Variants in DACH2 observed in about 807,000 individuals in gnomAD.
DACH2 encodes the protein dachshund homolog 2.
Under a neutral mutation model 35.8 loss-of-function variants are expected in DACH2, and 17 were observed. That is an observed-to-expected ratio of 0.48 (90% CI 0.33 to 0.71). The LOEUF (loss-of-function observed/expected upper bound fraction) is 0.71, where lower values mean the gene tolerates loss of function less well. Among genes scored for constraint, DACH2 ranks in the 30% least tolerant of loss-of-function variants. The pLI, the probability that DACH2 is intolerant of heterozygous loss-of-function variation, is 0.02. For synonymous variants in DACH2, 195 were observed against 177.3 expected (o/e 1.10, Z -0.79); for missense variants, 469 against 472.7 (o/e 0.99, Z 0.07).
intron 7 of DACH2, among the ~76,000 whole-genome samples, chrX:86,741,824 G>C (rs1032084188): frequency 1.3e-4 from 14 of 111,294 alleles, no homozygotes; most frequent in Non-Finnish European, 2.6e-4. Context: ...ACAGCACATA[G>C]GGAAATATAT....
intron 1 of DACH2, among the ~76,000 whole-genome samples, chrX:86,330,870 G>T (rs12393103): frequency 0.2 from 21,768 of 110,783 alleles, 2,534 homozygotes; most frequent in African/African-American, 0.44. Context: ...GACTGTTCTG[G>T]CCATGACCAT....
chrX:86,224,469 C>T (rs776155191), intron 1 of DACH2, among the ~76,000 whole-genome samples: 2 of 111,032 alleles, frequency 1.8e-5, no homozygotes, highest in Admixed American at 9.6e-5. Flanking sequence ...GTAACAATAA[C>T]GGTAAATGAC....
intron 2 of DACH2, among the ~76,000 whole-genome samples, chrX:86,386,024 T>C (rs1426473341): frequency 8.9e-6 from 1 of 112,140 alleles, no homozygotes; most frequent in Admixed American, 9.5e-5. Flanking sequence ...TGAACCAGTA[T>C]TGACACACTG....
At chrX:86,234,586 C>T (rs779885707) in intron 1 of DACH2, among the ~76,000 whole-genome samples, 25 of 105,918 alleles carry the variant, frequency 2.4e-4, no homozygotes, top group Middle Eastern at 5.0e-3. Context: ...AATTAATGAG[C>T]TAATATTTCT....
chrX:86,231,782 A>G (rs2032953892), intron 1 of DACH2, among the ~76,000 whole-genome samples: 1 of 112,062 alleles, frequency 8.9e-6, no homozygotes. Context: ...AAATTGTTAC[A>G]AAGTTCAGCT....
chrX:86,490,924 G>C (rs866721283), intron 2 of DACH2, among the ~76,000 whole-genome samples: 1 of 111,118 alleles, frequency 9.0e-6, no homozygotes, highest in South Asian at 3.8e-4. Context: ...TTTTTGGGTA[G>C]AGAGTTATAG....
chrX:86,514,278 G>A lies in DACH2; in HGVS notation c.528-1G>A. ...ATCTATATTTGTCTGTTTTTCAACA[G>A]TTCAAGACCCGGCAGGCCCCCTAAG... On this transcript the variant is annotated splice_acceptor_variant, in intron 2 of 11. Coordinates refer to ENST00000373125, the MANE Select transcript of DACH2 (RefSeq NM_053281.3). LOFTEE classifies it high-confidence loss of function. 8.3e-7 allele frequency: 1 copy of A among 1,209,182 alleles called. No individual in the cohort carries two copies. Among genetic ancestry groups the A allele is most frequent in the Middle Eastern group, 2.3e-4 (1 of 4,352 alleles).
chrX:86,565,839 C>CA (rs1168899972), intron 3 of DACH2, among the ~76,000 whole-genome samples: 2 of 110,888 alleles, frequency 1.8e-5, no homozygotes, highest in Non-Finnish European at 3.8e-5. Flanking sequence ...TCCTTCTGTA[C>CA]AAAAAAGAAA....
chrX:86,257,784 A>G (rs2033551164), intron 1 of DACH2, among the ~76,000 whole-genome samples: 1 of 112,333 alleles, frequency 8.9e-6, no homozygotes, highest in Admixed American at 9.4e-5. Context: ...AATTCTAATG[A>G]CAATAACTAT....
chrX:86,369,385 A>G (rs985260890), intron 1 of DACH2, among the ~76,000 whole-genome samples: 1 of 110,993 alleles, frequency 9.0e-6, no homozygotes, highest in African/African-American at 3.3e-5. Flanking sequence ...TTAAGTCAGG[A>G]GATGAATATA....
intron 1 of DACH2, among the ~76,000 whole-genome samples, chrX:86,236,864 G>T (rs1213382683): frequency 1.8e-5 from 2 of 111,945 alleles, no homozygotes; most frequent in African/African-American, 3.2e-5. Flanking sequence ...TTACTTTAAA[G>T]AGTTTATTTC....
intron 2 of DACH2, among the ~76,000 whole-genome samples, chrX:86,384,608 A>T (rs1284946214): frequency 8.9e-6 from 1 of 111,743 alleles, no homozygotes; most frequent in African/African-American, 3.2e-5. Context: ...GACTCTAAAG[A>T]TCTTTTGTTA....
chrX:86,291,650 G>C (rs1365207889), intron 1 of DACH2, among the ~76,000 whole-genome samples: 1 of 107,429 alleles, frequency 9.3e-6, no homozygotes, highest in Non-Finnish European at 1.9e-5. Context: ...GTTAAATTTT[G>C]TCAAAGGCCT....
intron 3 of DACH2, among the ~76,000 whole-genome samples, chrX:86,648,713 A>G (rs1221209353): frequency 9.0e-6 from 1 of 110,834 alleles, no homozygotes; most frequent in Non-Finnish European, 1.9e-5. Context: ...CTCCAAGCTC[A>G]TCAAGTTGTA....
chrX:86,610,070 G>A (rs1373844908), intron 3 of DACH2, among the ~76,000 whole-genome samples: 1 of 111,910 alleles, frequency 8.9e-6, no homozygotes, highest in African/African-American at 3.3e-5. Context: ...CCTAGGCCTT[G>A]AGGAGGTTCT....
Position 86,814,716 on chromosome X carries a change from G to A in DACH2, c.1566G>A (p.Glu522=). ...RTTMQKRLKK[E]KKTKRKLQEA... is the part of the protein sequence containing the mutation. ...CTATGCAAAAGCGCCTGAAGAAGGA[G>A]AAAAAAACCAAGAGAAAATTGCAGG... The change falls in exon 10 of 12, where the codon GAG becomes GAA. Residue 522 remains glutamate, a synonymous_variant. Coordinates refer to ENST00000373125, the MANE Select transcript of DACH2 (RefSeq NM_053281.3). 1 of 1,211,085 alleles carries A rather than the reference G, an allele frequency of 8.3e-7. No individual in the cohort carries two copies. The highest frequency in any genetic ancestry group is 1.1e-6 in the Non-Finnish European group (1 of 895,147).
At chrX:86,376,146 T>C (rs995446172) in intron 1 of DACH2, among the ~76,000 whole-genome samples, 6 of 97,402 alleles carry the variant, frequency 6.2e-5, no homozygotes, top group Non-Finnish European at 1.2e-4. Flanking sequence ...ACTGTGTGTG[T>C]GTGTATGTGT....
intron 6 of DACH2, among the ~76,000 whole-genome samples, chrX:86,738,162 T>C (rs912305800): frequency 1.8e-5 from 2 of 111,905 alleles, no homozygotes; most frequent in Non-Finnish European, 3.8e-5. Flanking sequence ...CAATTGCATC[T>C]GCAAAGTCCC....
intron 1 of DACH2, among the ~76,000 whole-genome samples, chrX:86,163,837 T>C (rs1242091405): frequency 9.0e-6 from 1 of 111,490 alleles, no homozygotes; most frequent in Non-Finnish European, 1.9e-5. Flanking sequence ...TCGATGGGCA[T>C]GTATGTTGAT....
Sources: gnomAD v4.1 joint callset for allele counts (sites outside exome capture counted in the v4.1 genomes callset) on GRCh38, gnomAD v4.1.1 for gene constraint, MANE v1.5 for transcripts, NCBI Gene and HGNC (gene_info 2026-07-23, HGNC 2026-07-21) for gene names.